Variants in FARS2 observed in about 807,000 individuals in gnomAD.
FARS2 encodes the protein phenylalanyl-tRNA synthetase 2, mitochondrial.
FARS2 carries 40 observed loss-of-function variants against 46.4 expected under a neutral mutation model. The observed-to-expected ratio is 0.86, with a 90% CI of 0.67 to 1.12. FARS2 has a LOEUF of 1.12. Among genes scored for constraint, FARS2 ranks in the 50% most tolerant of loss-of-function variants. FARS2 has a pLI of 0.00. For missense variants in FARS2, 513 were observed against 567.9 expected (o/e 0.90, Z 0.98); for synonymous variants, 234 against 214.9 (o/e 1.09, Z -0.78).
chr6:5,489,063 T>C (rs1766946348), intron 4 of FARS2, among the ~76,000 whole-genome samples: 1 of 152,106 alleles, frequency 6.6e-6, no homozygotes, highest in Non-Finnish European at 1.5e-5. Context: ...ATATATCTAG[T>C]GTCATCAGGT....
chr6:5,621,062 C>T (rs138818931), intron 6 of FARS2, among the ~76,000 whole-genome samples: 3 of 152,306 alleles, frequency 2.0e-5, no homozygotes, highest in African/African-American at 7.2e-5. Flanking sequence ...CTGTGGAAAA[C>T]ATTGGGCTAA....
At chr6:5,658,817 G>C (rs1488480532) in intron 6 of FARS2, among the ~76,000 whole-genome samples, 1 of 152,192 alleles carries the variant, frequency 6.6e-6, no homozygotes, top group African/African-American at 2.4e-5. Flanking sequence ...TTTTAAATTT[G>C]TGTCAAATGG....
intron 6 of FARS2, among the ~76,000 whole-genome samples, chr6:5,671,762 C>A (rs1778476450): frequency 6.6e-6 from 1 of 152,154 alleles, no homozygotes; most frequent in Admixed American, 6.5e-5. Flanking sequence ...CTCTTCTGAG[C>A]TGGATGGCTT....
At chr6:5,739,630 C>T (rs1026085425) in intron 6 of FARS2, among the ~76,000 whole-genome samples, 1 of 152,316 alleles carries the variant, frequency 6.6e-6, no homozygotes, top group Admixed American at 6.5e-5. Flanking sequence ...CTCAGGCTAG[C>T]AGCGATCACT....
intron 6 of FARS2, among the ~76,000 whole-genome samples, chr6:5,736,622 G>C (rs1760971107): frequency 6.6e-6 from 1 of 151,894 alleles, no homozygotes; most frequent in Non-Finnish European, 1.5e-5. Context: ...ACTGATAGTA[G>C]TTTAAAAACA....
At chr6:5,503,660 C>T (rs556023286) in intron 4 of FARS2, among the ~76,000 whole-genome samples, 63 of 151,986 alleles carry the variant, frequency 4.1e-4, no homozygotes, top group African/African-American at 1.3e-3. Context: ...TGTATCCAAA[C>T]GAGTTGTGAT....
intron 2 of FARS2, among the ~76,000 whole-genome samples, chr6:5,385,018 T>A (rs563219988): frequency 6.6e-6 from 1 of 152,306 alleles, no homozygotes; most frequent in South Asian, 2.1e-4. Context: ...AATTGGCATG[T>A]GGTGCATTAC....
chr6:5,345,991 A>AT (rs1346888520), intron 1 of FARS2, among the ~76,000 whole-genome samples: 1 of 152,152 alleles, frequency 6.6e-6, no homozygotes, highest in African/African-American at 2.4e-5. Flanking sequence ...AGTACTGGGG[A>AT]TGGTGGCAGG....
chr6:5,692,462 G>A (rs985466216), intron 6 of FARS2, among the ~76,000 whole-genome samples: 12 of 151,924 alleles, frequency 7.9e-5, no homozygotes, highest in South Asian at 4.2e-4. Flanking sequence ...TCCCTTTCCC[G>A]TCCATCAAAA....
At chr6:5,652,742 G>A (rs951104441) in intron 6 of FARS2, among the ~76,000 whole-genome samples, 1 of 152,236 alleles carries the variant, frequency 6.6e-6, no homozygotes, top group Non-Finnish European at 1.5e-5. Context: ...GGCCAGATGT[G>A]GGGCATAGCT....
At chr6:5,506,784 A>G (rs1768125198) in intron 4 of FARS2, among the ~76,000 whole-genome samples, 1 of 152,244 alleles carries the variant, frequency 6.6e-6, no homozygotes. Context: ...TCATGAAAAC[A>G]GCTAGATGGA....
intron 4 of FARS2, among the ~76,000 whole-genome samples, chr6:5,439,743 T>C (rs1231472300): frequency 6.6e-6 from 1 of 152,214 alleles, no homozygotes; most frequent in East Asian, 1.9e-4. Context: ...GTCAACTTTA[T>C]TAATCAGAAT....
At chr6:5,566,646 C>T (rs1266020598) in intron 5 of FARS2, among the ~76,000 whole-genome samples, 1 of 152,040 alleles carries the variant, frequency 6.6e-6, no homozygotes, top group East Asian at 1.9e-4. Context: ...GAGCCTTTTT[C>T]CAGAAAAACA....
intron 6 of FARS2, among the ~76,000 whole-genome samples, chr6:5,725,705 G>A (rs1471167756): frequency 6.6e-6 from 1 of 152,244 alleles, no homozygotes; most frequent in African/African-American, 2.4e-5. Context: ...AGAGGCCAAA[G>A]CTGGTGGATC....
At position 5,471,281 on chromosome 6, in the gene FARS2, TA is replaced by T. The variant is rs1765793140; in HGVS notation, c.904+40113del. On this transcript the variant is annotated intron_variant, in intron 4 of 6. Coordinates refer to ENST00000274680, the MANE Select transcript of FARS2 (RefSeq NM_006567.5). This position sits in a 1 kb window ranked among gnomAD's most constrained non-coding sequence, Gnocchi z 4.1. ...TGTTAGTGATCCGGTGCTAAGCGCC[TA>T]AAATAAGTAGATCTTATTTTAATCT... is the stretch of plus-strand genomic sequence containing the variant. Among the ~76,000 whole-genome samples the T allele has an allele frequency of 6.6e-6, 1 of 152,208 alleles. No individual in the cohort carries two copies. The highest frequency in any genetic ancestry group is 1.5e-5 in the Non-Finnish European group (1 of 68,038).
chr6:5,581,965 A>G (rs1384471770), intron 5 of FARS2, among the ~76,000 whole-genome samples: 1 of 126,998 alleles, frequency 7.9e-6, no homozygotes, highest in Non-Finnish European at 1.7e-5. Context: ...ATGTGCTTTT[A>G]TAAATGGTCA....
At chr6:5,264,713 T>C (rs1007632418) in intron 1 of FARS2, among the ~76,000 whole-genome samples, 1 of 152,076 alleles carries the variant, frequency 6.6e-6, no homozygotes, top group African/African-American at 2.4e-5. Flanking sequence ...GGCCCATAAG[T>C]ACCATATATT....
intron 1 of FARS2, among the ~76,000 whole-genome samples, chr6:5,317,773 C>T (rs1745696408): frequency 6.6e-6 from 1 of 151,342 alleles, no homozygotes; most frequent in African/African-American, 2.4e-5. Flanking sequence ...AAGCAAAGAC[C>T]CTATCTCAAA....
chr6:5,598,144 C>T (rs550529516), intron 5 of FARS2, among the ~76,000 whole-genome samples: 19 of 152,072 alleles, frequency 1.2e-4, no homozygotes, highest in Admixed American at 1.1e-3. Context: ...CCTAGCACTT[C>T]GGGAGGCCAA....
Sources: gnomAD v4.1 joint callset for allele counts (sites outside exome capture counted in the v4.1 genomes callset) on GRCh38, gnomAD v4.1.1 for gene constraint, Gnocchi (gnomAD v3.1) non-coding constraint, MANE v1.5 for transcripts, NCBI Gene and HGNC (gene_info 2026-07-23, HGNC 2026-07-21) for gene names.